IQCF3: variants seen among roughly 807,000 people sequenced by gnomAD.
IQCF3 encodes the protein IQ domain-containing protein F3.
A neutral mutation model predicts 5.1 loss-of-function variants in IQCF3; 7 were observed. The ratio of observed to expected loss-of-function variants is 1.36; its 90% CI spans 0.78 to 2.56. The LOEUF (loss-of-function observed/expected upper bound fraction) is 2.56. IQCF3 is among the 30% of genes most tolerant of loss of function. The probability of loss-of-function intolerance (pLI) is 0.00; values close to 1 mark genes in which losing one functional copy is unlikely to be tolerated. For missense variants in IQCF3, 189 were observed against 196.5 expected, an observed-to-expected ratio of 0.96 and a Z score of 0.23; for synonymous variants, 82 against 72.8, an observed-to-expected ratio of 1.13 and a Z score of -0.64.
upstream of IQCF3, chr3:51,828,781 C>G (rs1698323349): frequency 2.0e-5 from 3 of 152,162 alleles, no homozygotes; most frequent in South Asian, 4.1e-4. Context: ...GCTGTGGATC[C>G]TTCTTGTCCT....
chr3:51,830,566 A>G lies in IQCF3; in HGVS notation c.230A>G (p.Gln77Arg), dbSNP rs1418784944. Residue 77 changes from glutamine to arginine, a missense_variant, in exon 3 of 3, where the codon CAG (glutamine) becomes CGG (arginine). Coordinates refer to ENST00000440739, the MANE Select transcript of IQCF3 (RefSeq NM_001393887.1). The surrounding 1 kb of genome is among the most constrained non-coding windows in gnomAD (Gnocchi z 4.1). Reference sequence around the variant, plus strand: ...ACGTTGGTGCAGAGACGGATCCGTCAGCGGCGGCAGGCCCTGTTGAGGGTC... The same window carrying G: ...ACGTTGGTGCAGAGACGGATCCGTCGGCGGCGGCAGGCCCTGTTGAGGGTC... ...WRTLVQRRIR[Q>R]RRQALLRVYV... The G allele has an allele frequency of 2.5e-6, 4 of 1,613,938 alleles. No individual in the cohort carries two copies. Among genetic ancestry groups the G allele is most frequent in the Admixed American group, 1.7e-5 (1 of 60,024 alleles).
At position 51,830,500 on chromosome 3, in the gene IQCF3, T is replaced by C; in HGVS notation, c.164T>C (p.Val55Ala). The change falls in exon 3 of 3, where the codon GTT becomes GCT. Residue 55 changes from valine (V) to alanine (A), a missense_variant. Physicochemically the swap from Val to Ala is moderately conservative, Grantham distance 64 (BLOSUM62 0). Coordinates refer to ENST00000440739, the MANE Select transcript of IQCF3 (RefSeq NM_001393887.1). The surrounding 1 kb of genome is among the most constrained non-coding windows in gnomAD (Gnocchi z 4.1). ...GTCCTGGTGCGCAGGACCCTGCTGGTTGCTGCCCTCAGGGCCTGGATGATT... is the reference window on the plus strand; with the variant it reads ...GTCCTGGTGCGCAGGACCCTGCTGGCTGCTGCCCTCAGGGCCTGGATGATT... ...RGVLVRRTLL[V>A]AALRAWMIQC... 2 of 1,613,850 alleles carry C rather than the reference T, an allele frequency of 1.2e-6. No individual in the cohort carries two copies. Among genetic ancestry groups the C allele is most frequent in the Non-Finnish European group, 1.7e-6 (2 of 1,179,826 alleles).
rs1190355481 is a variant in IQCF3, at chr3:51,830,768, G to A, written c.432G>A (p.Gln144=). The A allele has an allele frequency of 1.3e-6, 2 of 1,594,416 alleles. No individual in the cohort carries two copies. Among genetic ancestry groups the A allele is most frequent in the Non-Finnish European group, 1.7e-6 (2 of 1,167,606 alleles). The part of the protein sequence containing the change: ...LQVQYAIPSK[Q]PEFHIEILSI ...TCCAATATGCAATCCCTTCAAAGCA[G>A]CCAGAGTTCCACATTGAAATCCTAT... Residue 144 remains glutamine, a synonymous_variant, in exon 3 of 3, where the codon CAG becomes CAA. Transcript: ENST00000440739. This position sits in a 1 kb window ranked among gnomAD's most constrained non-coding sequence, Gnocchi z 4.1.
At chr3:51,827,628 C>A (rs894720347), upstream of IQCF3, among the ~76,000 whole-genome samples, 1 of 150,846 alleles carries the variant, frequency 6.6e-6, no homozygotes, top group South Asian at 2.1e-4. Context: ...ACATGAAGTT[C>A]TTTTTTGTTG....
At position 51,830,536 on chromosome 3, in the gene IQCF3, G is replaced by A. The variant is rs1295909813; in HGVS notation, c.200G>A (p.Trp67Ter). The A allele has an allele frequency of 6.2e-7, 1 of 1,614,028 alleles. No individual in the cohort carries two copies. Among genetic ancestry groups the A allele is most frequent in the Non-Finnish European group, 8.5e-7 (1 of 1,179,882 alleles). ...AGGGCCTGGATGATTCAGTGCTGGTGGAGGACGTTGGTGCAGAGACGGATC... is the reference window on the plus strand; with the variant it reads ...AGGGCCTGGATGATTCAGTGCTGGTAGAGGACGTTGGTGCAGAGACGGATC... ...ALRAWMIQCWWRTLVQRRIRQ... is the reference protein window; with the variant it reads ...ALRAWMIQCW The change falls in exon 3 of 3, where the codon TGG becomes TAG. Residue 67 changes from tryptophan (W) to a stop codon, truncating the protein, a stop_gained. Coordinates refer to ENST00000440739, the MANE Select transcript of IQCF3 (RefSeq NM_001393887.1). LOFTEE classifies it low-confidence loss of function (END_TRUNC). The surrounding 1 kb of genome is among the most constrained non-coding windows in gnomAD (Gnocchi z 4.1).
rs370435748 is a variant in IQCF3, at chr3:51,829,657, G to A, written c.19-8G>A. ...CCATGCTCCCCCACACCCATATTCC[G>A]ATTGCAGAAAGGTGGTCCAGATGAA... On this transcript the variant is annotated splice_polypyrimidine_tract_variant and splice_region_variant and intron_variant, in intron 1 of 2. Transcript: ENST00000440739. The A allele has an allele frequency of 6.2e-5, 100 of 1,613,528 alleles. No individual in the cohort carries two copies. Among genetic ancestry groups the A allele is most frequent in the East Asian group, 5.1e-4 (23 of 44,892 alleles).
At position 51,830,477 on chromosome 3, in the gene IQCF3, C is replaced by T. The variant is rs965106415; in HGVS notation, c.141C>T (p.Val47=). The change falls in exon 3 of 3, where the codon GTC becomes GTT. Residue 47 remains valine (V), a synonymous_variant. Transcript: ENST00000440739. This position sits in a 1 kb window ranked among gnomAD's most constrained non-coding sequence, Gnocchi z 4.1. ...AGATCCAGGCCTGGTGGCGTGGGGT[C>T]CTGGTGCGCAGGACCCTGCTGGTTG... The part of the protein sequence containing the change: ...AGQIQAWWRG[V]LVRRTLLVAA... 6.2e-7 allele frequency: 1 copy of T among 1,611,224 alleles called. No homozygotes were observed. The highest frequency in any genetic ancestry group is 8.5e-7 in the Non-Finnish European group (1 of 1,178,572).
Position 51,830,389 on chromosome 3 carries a change from C to T in IQCF3, c.67-14C>T. On this transcript the variant is annotated splice_polypyrimidine_tract_variant and intron_variant, in intron 2 of 2. Coordinates refer to ENST00000440739, the MANE Select transcript of IQCF3 (RefSeq NM_001393887.1). This position sits in a 1 kb window ranked among gnomAD's most constrained non-coding sequence, Gnocchi z 4.1. Reference sequence around the variant, plus strand: ...TGATAAATTCACTGGGAGTCCTCTGCTTTGCTTGGCCAGTTGCTTCTTGCA... The same window carrying T: ...TGATAAATTCACTGGGAGTCCTCTGTTTTGCTTGGCCAGTTGCTTCTTGCA... 6.6e-7 allele frequency: 1 copy of T among 1,525,458 alleles called. No individual in the cohort carries two copies. The highest frequency in any genetic ancestry group is 8.8e-7 in the Non-Finnish European group (1 of 1,138,532). 94.5% of individuals were successfully genotyped at this position (1,525,458 alleles called of 1,614,324 possible). A position where few individuals can be genotyped will look rare whatever the true frequency, so the allele number is the denominator to read the frequency against.
rs1190628498 is a variant in IQCF3, at chr3:51,830,517, T to C, written c.181T>C (p.Trp61Arg). The stretch of plus-strand genomic sequence containing the variant: ...CCTGCTGGTTGCTGCCCTCAGGGCC[T>C]GGATGATTCAGTGCTGGTGGAGGAC... ...RTLLVAALRAWMIQCWWRTLV... is the reference protein window; with the variant it reads ...RTLLVAALRARMIQCWWRTLV... Residue 61 changes from tryptophan (W) to arginine (R), a missense_variant, in exon 3 of 3, where the codon TGG becomes CGG. Physicochemically the swap from Trp to Arg is moderately radical, Grantham distance 101 (BLOSUM62 -3). Coordinates refer to ENST00000440739, the MANE Select transcript of IQCF3 (RefSeq NM_001393887.1). This position sits in a 1 kb window ranked among gnomAD's most constrained non-coding sequence, Gnocchi z 4.1. 1 of 1,613,994 alleles carries C rather than the reference T, an allele frequency of 6.2e-7. No individual in the cohort carries two copies. Among genetic ancestry groups the C allele is most frequent in the Non-Finnish European group, 8.5e-7 (1 of 1,179,872 alleles).
chr3:51,829,772 T>G, intron 2 of IQCF3, 60 bp downstream of exon 2: 1 of 1,529,276 alleles, frequency 6.5e-7, no homozygotes, highest in East Asian at 2.3e-5. Context: ...ATCCCAGAGT[T>G]CTTAGAATGG....
chr3:51,830,341 A>T lies in IQCF3; in HGVS notation c.67-62A>T, dbSNP rs1006487830. The T allele has an allele frequency of 2.7e-6, 4 of 1,506,398 alleles. No homozygotes were observed. The highest frequency in any genetic ancestry group is 3.5e-6 in the Non-Finnish European group (4 of 1,127,774). The allele number at this position is 1,506,398 out of a possible 1,614,324, so 93.3% of individuals were successfully genotyped here. On this transcript the variant is annotated intron_variant, in intron 2 of 2. Coordinates refer to ENST00000440739, the MANE Select transcript of IQCF3 (RefSeq NM_001393887.1). The surrounding 1 kb of genome is among the most constrained non-coding windows in gnomAD (Gnocchi z 4.1). ...CCAGCAGGGAGAGGGCTGATTCTTT[A>T]GAGAACCACCTGTGCTTGATGGTGA...
chr3:51,827,684 CA>C (rs1387183269), upstream of IQCF3, among the ~76,000 whole-genome samples: 3 of 151,746 alleles, frequency 2.0e-5, no homozygotes, highest in Non-Finnish European at 4.4e-5. Flanking sequence ...ATTTTAGGTT[CA>C]GGGGTATATG....
rs759354052 is a variant in IQCF3, at chr3:51,829,732, G to A, written c.66+20G>A. 5 of 1,611,430 alleles carry A rather than the reference G, an allele frequency of 3.1e-6. No homozygotes were observed. The highest frequency in any genetic ancestry group is 4.2e-6 in the Non-Finnish European group (5 of 1,178,360). On this transcript the variant is annotated intron_variant, in intron 2 of 2. Coordinates refer to ENST00000440739, the MANE Select transcript of IQCF3 (RefSeq NM_001393887.1). ...CAGAAGGTAGGTGGGGCCCAGGAGG[G>A]TGAGAGAATTGCAGATCATTGACTC...
chr3:51,829,575 C>G (rs940552166), intron 1 of IQCF3, 82 bp downstream of exon 1: 3 of 1,591,862 alleles, frequency 1.9e-6, no homozygotes, highest in Non-Finnish European at 2.6e-6. Context: ...TCTTAGGACC[C>G]AGGCAAAGAA....
At position 51,830,534 on chromosome 3, in the gene IQCF3, GT is replaced by G. The variant is rs747403027; in HGVS notation, c.199del (p.Trp67GlyfsTer17). The G allele has an allele frequency of 6.2e-7, 1 of 1,614,042 alleles. No individual in the cohort carries two copies. Among genetic ancestry groups the G allele is most frequent in the Non-Finnish European group, 8.5e-7 (1 of 1,179,892 alleles). ...ALRAWMIQCW[W>X]RTLVQRRIRQ... ...TCAGGGCCTGGATGATTCAGTGCTG[GT>G]GGAGGACGTTGGTGCAGAGACGGAT... On this transcript the variant is annotated frameshift_variant, in exon 3 of 3. Transcript: ENST00000440739. LOFTEE classifies it low-confidence loss of function (END_TRUNC). The surrounding 1 kb of genome is among the most constrained non-coding windows in gnomAD (Gnocchi z 4.1).
upstream of IQCF3, chr3:51,829,335 G>A: frequency 1.1e-6 from 1 of 873,570 alleles, no homozygotes; most frequent in Non-Finnish European, 1.9e-6. Context: ...TCAACTTTGA[G>A]CCTGGAAAAG....
rs760297595 is a variant in IQCF3 at position 51,829,487 on chromosome 3, A to T, written c.12A>T (p.Lys4Asn). The T allele has an allele frequency of 8.1e-6, 13 of 1,598,540 alleles. No homozygotes were observed. The highest frequency in any genetic ancestry group is 6.8e-5 in the East Asian group (3 of 44,166). Reference sequence around the variant, plus strand: ...CACTGCTCCAAACCATGGGCAGTAAATGCTGTGTAAGACTCAGGCACACAA... The same window carrying T: ...CACTGCTCCAAACCATGGGCAGTAATTGCTGTGTAAGACTCAGGCACACAA... MGSKCCKGGPDEDA... is the reference protein window; with the variant it reads MGSNCCKGGPDEDA... The change falls in exon 1 of 3, where the codon AAA (lysine) becomes AAT (asparagine). Residue 4 changes from lysine (K) to asparagine (N), a missense_variant. By Grantham distance (94) the Lys-to-Asn change is moderately conservative. Coordinates refer to ENST00000440739, the MANE Select transcript of IQCF3 (RefSeq NM_001393887.1).
In IQCF3 at chr3:51,829,649, C is replaced by G. The variant is rs114638469; in HGVS notation, c.19-16C>G. 1.4e-3 allele frequency: 2,239 copies of G among 1,613,294 alleles called. 32 individuals are homozygous for G. The African/African-American group carries it at 0.027, about 19-fold the overall frequency. ...GTCCTCACCCATGCTCCCCCACACC[C>G]ATATTCCGATTGCAGAAAGGTGGTC... is the stretch of plus-strand genomic sequence containing the variant. On this transcript the variant is annotated splice_polypyrimidine_tract_variant and intron_variant, in intron 1 of 2. Coordinates refer to ENST00000440739, the MANE Select transcript of IQCF3 (RefSeq NM_001393887.1).
chr3:51,829,892 C>A, intron 2 of IQCF3, 180 bp downstream of exon 2: 1 of 628,608 alleles, frequency 1.6e-6, no homozygotes, highest in South Asian at 1.9e-5. Context: ...AAGTTTCGTG[C>A]GCACAGCCAC....
Sources: allele counts gnomAD v4.1 joint callset (sites outside exome capture counted in the v4.1 genomes callset), GRCh38; gene constraint gnomAD v4.1.1; non-coding constraint Gnocchi (gnomAD v3.1); transcripts MANE v1.5; gene names NCBI Gene and HGNC (gene_info 2026-07-23, HGNC 2026-07-21).